Variants in E2F8 observed in about 807,000 individuals in gnomAD.
E2F8 encodes transcription factor E2F8.
In E2F8, 35 loss-of-function variants were observed where a neutral mutation model predicts 80.8. That is an observed-to-expected ratio of 0.43 (90% CI 0.33 to 0.57). The LOEUF is 0.57. Ranked by LOEUF, E2F8 falls within the 20% of genes least tolerant of loss-of-function variation. E2F8 has a pLI of 0.04. For synonymous variants in E2F8, 386 were observed against 395.0 expected (o/e 0.98, Z 0.27); for missense variants, 975 against 1,056.2 (o/e 0.92, Z 1.07).
intron 7 of E2F8, 136 bp downstream of exon 7, chr11:19,232,098 G>A: frequency 1.6e-6 from 2 of 1,260,972 alleles, no homozygotes; most frequent in South Asian, 1.5e-5. Flanking sequence ...AACACTGCAT[G>A]TTCTCACTCG....
chr11:19,241,245 TC>T (rs1851658116), upstream of E2F8, among the ~76,000 whole-genome samples: 1 of 150,878 alleles, frequency 6.6e-6, no homozygotes, highest in African/African-American at 2.4e-5. This position sits in a 1 kb window ranked among gnomAD's most constrained non-coding sequence, Gnocchi z 4.5. Flanking sequence ...CCCCTCCCCC[TC>T]GTTCGCCCCC....
In E2F8 at chr11:19,225,362, A is replaced by G; in HGVS notation, c.2280T>C (p.Pro760=). The stretch of plus-strand genomic sequence containing the variant: ...TAACAGACTCTATTCTTGGAGACAC[A>G]GGAACGATTCCAGACCCAGGGCTGG... ...LSASPGSGIV[P]VSPRIESVNV... The change falls in exon 12 of 13, where the codon CCT becomes CCC. Residue 760 remains proline (P), a synonymous_variant. Transcript: ENST00000250024. 1 of 1,614,176 alleles carries G rather than the reference A, an allele frequency of 6.2e-7. No homozygotes were observed. Among genetic ancestry groups the G allele is most frequent in the East Asian group, 2.2e-5 (1 of 44,874 alleles).
intron 10 of E2F8, among the ~76,000 whole-genome samples, chr11:19,228,578 T>C (rs982680526): frequency 6.6e-6 from 1 of 152,248 alleles, no homozygotes; most frequent in Non-Finnish European, 1.5e-5. Flanking sequence ...CAGTGCTTTA[T>C]ATCCAGTAGG....
intron 10 of E2F8, 142 bp from the exon 11 acceptor site, chr11:19,226,006 T>A: frequency 1.1e-6 from 1 of 897,514 alleles, no homozygotes; most frequent in Non-Finnish European, 1.7e-6. Flanking sequence ...GGCAGGCTGG[T>A]CACCTGGCTC....
chr11:19,224,474 T>A lies in E2F8; in HGVS notation c.*184A>T. The stretch of plus-strand genomic sequence containing the variant: ...ACTTAGCTTTATACAAATATATGTG[T>A]GTGTGTGTGTGTGTGTGTGTGTGTA... On this transcript the variant is annotated 3_prime_UTR_variant, in exon 13 of 13. Transcript: ENST00000250024. 1 of 371,554 alleles carries A rather than the reference T, an allele frequency of 2.7e-6. No individual in the cohort carries two copies. 23.0% of individuals were successfully genotyped at this position (371,554 alleles called of 1,614,324 possible).
At chr11:19,227,132 TCAGA>T (rs987872626) in intron 10 of E2F8, among the ~76,000 whole-genome samples, 50 of 152,224 alleles carry the variant, frequency 3.3e-4, no homozygotes, top group African/African-American at 1.1e-3. Flanking sequence ...TTTTCTTCCT[TCAGA>T]CCTTTCTTCT....
intron 6 of E2F8, among the ~76,000 whole-genome samples, chr11:19,234,145 TAAAAA>T (rs967973962): frequency 1.1e-5 from 1 of 92,568 alleles, no homozygotes; most frequent in African/African-American, 4.4e-5. Flanking sequence ...AGACTCCGTC[TAAAAA>T]AAAAAAAAAA....
rs997393797 is a variant in E2F8, at chr11:19,229,992, A to C, written c.1359-4T>G. 3 of 1,612,956 alleles carry C rather than the reference A, an allele frequency of 1.9e-6. No homozygotes were observed. Among genetic ancestry groups the C allele is most frequent in the Admixed American group, 1.7e-5 (1 of 60,002 alleles). ...TTTCACTTTCTGTCTGGATTCACTGAAAGACAAGATTTAATACACGACATG... is the reference window on the plus strand; with the variant it reads ...TTTCACTTTCTGTCTGGATTCACTGCAAGACAAGATTTAATACACGACATG... On this transcript the variant is annotated splice_polypyrimidine_tract_variant and splice_region_variant and intron_variant, in intron 9 of 12. Transcript: ENST00000250024. This position sits in a 1 kb window ranked among gnomAD's most constrained non-coding sequence, Gnocchi z 4.3.
chr11:19,227,460 A>G (rs1851265194), intron 10 of E2F8, among the ~76,000 whole-genome samples: 3 of 152,208 alleles, frequency 2.0e-5, no homozygotes, highest in Non-Finnish European at 2.9e-5. Flanking sequence ...ATAATAGAAT[A>G]ATAATTTTTA....
intron 6 of E2F8, among the ~76,000 whole-genome samples, chr11:19,233,589 G>A (rs1851434405): frequency 6.6e-6 from 1 of 151,942 alleles, no homozygotes; most frequent in Non-Finnish European, 1.5e-5. Flanking sequence ...CCAGGTTCAC[G>A]CCATTCTCCT....
At position 19,237,930 on chromosome 11, in the gene E2F8, T is replaced by C; in HGVS notation, c.218A>G (p.Glu73Gly). 1 of 1,614,146 alleles carries C rather than the reference T, an allele frequency of 6.2e-7. No individual in the cohort carries two copies. ...CCTTTTCTGATCTCTGTTGCGGATC[T>C]CAGGGCTCACAGCACTGATGAGCAT... ...LKMLISAVSPEIRNRDQKRGL... is the reference protein window; with the variant it reads ...LKMLISAVSPGIRNRDQKRGL... Residue 73 changes from glutamate to glycine, a missense_variant, in exon 3 of 13, where the codon GAG (glutamate) becomes GGG (glycine). By Grantham distance (98) the Glu-to-Gly change is moderately conservative (BLOSUM62 -2). Transcript: ENST00000250024.
chr11:19,224,579 G>C lies in E2F8; in HGVS notation c.*79C>G. 1 of 1,448,132 alleles carries C rather than the reference G, an allele frequency of 6.9e-7. No individual in the cohort carries two copies. Among genetic ancestry groups the C allele is most frequent in the Non-Finnish European group, 9.5e-7 (1 of 1,057,470 alleles). 89.7% of individuals were successfully genotyped at this position (1,448,132 alleles called of 1,614,324 possible). A position where few individuals can be genotyped will look rare whatever the true frequency, so the allele number is the denominator to read the frequency against. On this transcript the variant is annotated 3_prime_UTR_variant, in exon 13 of 13. Coordinates refer to ENST00000250024, the MANE Select transcript of E2F8 (RefSeq NM_024680.4). ...CGTATTTACAGTATTTTCAGAGAATGTGTTCTCCAAATCAGTCTGTGTACA... is the reference window on the plus strand; with the variant it reads ...CGTATTTACAGTATTTTCAGAGAATCTGTTCTCCAAATCAGTCTGTGTACA...
At chr11:19,235,721 C>T (rs1399972465) in intron 4 of E2F8, among the ~76,000 whole-genome samples, 1 of 151,934 alleles carries the variant, frequency 6.6e-6, no homozygotes, top group Non-Finnish European at 1.5e-5. Context: ...TAGCTCACCC[C>T]AAAAGAGCTA....
At chr11:19,227,231 G>A (rs1224445146) in intron 10 of E2F8, among the ~76,000 whole-genome samples, 1 of 152,122 alleles carries the variant, frequency 6.6e-6, no homozygotes, top group Non-Finnish European at 1.5e-5. Flanking sequence ...AAAGCTAAAA[G>A]TATACTACAA....
At chr11:19,235,277 G>C (rs534330603) in intron 4 of E2F8, among the ~76,000 whole-genome samples, 1 of 152,252 alleles carries the variant, frequency 6.6e-6, no homozygotes, top group South Asian at 2.1e-4. Flanking sequence ...ATTTAATGAG[G>C]GCCTAAGTTG....
In E2F8 at chr11:19,240,782, A is replaced by T. The variant is rs1851638959; in HGVS notation, c.-344T>A. 4.6e-5 allele frequency: 7 copies of T among 152,108 alleles called. No individual in the cohort carries two copies. The highest frequency in any genetic ancestry group is 4.6e-4 in the Admixed American group (7 of 15,278). 9.4% of individuals were successfully genotyped at this position (152,108 alleles called of 1,614,324 possible). On this transcript the variant is annotated 5_prime_UTR_variant, in exon 1 of 13. Transcript: ENST00000250024. The stretch of plus-strand genomic sequence containing the variant: ...GCATTTAAAGAGTCTTATAATTAAG[A>T]CTTTTTTTTTAAATTTAAAAAAGGG...
Position 19,237,320 on chromosome 11 carries a change from C to T in E2F8, c.445G>A (p.Glu149Lys), listed in dbSNP as rs916070129. 6.2e-7 allele frequency: 1 copy of T among 1,614,040 alleles called. No individual in the cohort carries two copies. The highest frequency in any genetic ancestry group is 8.5e-7 in the Non-Finnish European group (1 of 1,179,980). ...GAGTTCTTTGCATACTTACTAAGTT[C>T]CTCTGCCACTTCGTCAAGGCAGATG... ...NDICLDEVAEELNVERRRIYD... is the reference protein window; with the variant it reads ...NDICLDEVAEKLNVERRRIYD... Residue 149 changes from glutamate (E) to lysine (K), a missense_variant, in exon 4 of 13, where the codon GAA (glutamate) becomes AAA (lysine). Coordinates refer to ENST00000250024, the MANE Select transcript of E2F8 (RefSeq NM_024680.4).
rs1189697168 is a variant in E2F8 at position 19,230,717 on chromosome 11, G to A, written c.1184C>T (p.Pro395Leu). The A allele has an allele frequency of 3.7e-6, 6 of 1,614,062 alleles. No individual in the cohort carries two copies. The highest frequency in any genetic ancestry group is 2.2e-5 in the East Asian group (1 of 44,896). ...ACTCTTTACCAATTTGATAAGAGATGGGTGTCGAGTAAAGTTTGGTTTCCC... is the reference window on the plus strand; with the variant it reads ...ACTCTTTACCAATTTGATAAGAGATAGGTGTCGAGTAAAGTTTGGTTTCCC... The part of the protein sequence containing the change: ...TRGKPNFTRH[P>L]SLIKLVKSIE... Residue 395 changes from proline (P) to leucine (L), a missense_variant, in exon 8 of 13, where the codon CCA (proline) becomes CTA (leucine). By Grantham distance (98) the Pro-to-Leu change is moderately conservative. Transcript: ENST00000250024.
chr11:19,238,435 T>A (rs1199417930), intron 2 of E2F8, among the ~76,000 whole-genome samples: 1 of 152,214 alleles, frequency 6.6e-6, no homozygotes, highest in African/African-American at 2.4e-5. Context: ...TGAAATAGTT[T>A]TAGATTTAGA....
Sources: gnomAD v4.1 joint callset for allele counts (sites outside exome capture counted in the v4.1 genomes callset) on GRCh38, gnomAD v4.1.1 for gene constraint, Gnocchi (gnomAD v3.1) non-coding constraint, MANE v1.5 for transcripts, NCBI Gene and HGNC (gene_info 2026-07-23, HGNC 2026-07-21) for gene names.